The following DLG2 variants were observed in gnomAD, a reference collection of about 807,000 sequenced individuals.
The protein encoded by DLG2 is discs large MAGUK scaffold protein 2, also known as disks large homolog 2.
DLG2 carries 45 observed loss-of-function variants against 132.5 expected under a neutral mutation model. That is an observed-to-expected ratio of 0.34 (90% confidence interval 0.27 to 0.44). DLG2 has a LOEUF of 0.44. Ranked by LOEUF, DLG2 falls within the 20% of genes least tolerant of loss-of-function variation. DLG2 has a pLI of 1.00. For synonymous variants in DLG2, 424 were observed against 419.6 expected (o/e 1.01, Z -0.13); for missense variants, 1,045 against 1,196.9 (o/e 0.87, Z 1.87).
chr11:84,351,372 A>T (rs2098569121), intron 7 of DLG2, among the ~76,000 whole-genome samples: 1 of 152,112 alleles, frequency 6.6e-6, no homozygotes, highest in Non-Finnish European at 1.5e-5. Flanking sequence ...TTCTTCATGC[A>T]TTATATTCAT....
At chr11:84,618,951 C>A (rs2099609218) in intron 6 of DLG2, among the ~76,000 whole-genome samples, 1 of 151,932 alleles carries the variant, frequency 6.6e-6, no homozygotes, top group African/African-American at 2.4e-5. Flanking sequence ...CGATTGTAAA[C>A]AGACCTCTTT....
rs186518994 is a variant in DLG2, at chr11:84,975,303, G to A, written c.357+136358C>T. 3.3e-5 allele frequency among the ~76,000 whole-genome samples: 5 copies of A among 152,280 alleles called. No homozygotes were observed. The East Asian group carries it at 9.6e-4, about 29-fold the overall frequency. On this transcript the variant is annotated intron_variant, in intron 6 of 27. Transcript: ENST00000376104. ...ACTTTCAAGATTCCTTTGCATAGGT[G>A]GGGTGATGATGCTATAAGTTCTAAG...
chr11:84,943,810 G>A, intron 6 of DLG2, among the ~76,000 whole-genome samples: 1 of 151,920 alleles, frequency 6.6e-6, no homozygotes. Context: ...TTCTATACTT[G>A]TCTGTGTGCT....
At chr11:85,333,495 A>G (rs2081918518) in intron 3 of DLG2, among the ~76,000 whole-genome samples, 1 of 152,036 alleles carries the variant, frequency 6.6e-6, no homozygotes, top group Non-Finnish European at 1.5e-5. Flanking sequence ...GAGAGTGGTG[A>G]TCCTTGTCTT....
chr11:84,243,017 C>CTCTCTATATATATATA (rs542476924), intron 8 of DLG2, among the ~76,000 whole-genome samples: 1 of 142,146 alleles, frequency 7.0e-6, no homozygotes, highest in African/African-American at 2.6e-5. Context: ...CTCTCTCTCT[C>CTCTCTATATATATATA]TATATATATA....
intron 6 of DLG2, among the ~76,000 whole-genome samples, chr11:84,977,263 T>C (rs2055035260): frequency 6.6e-6 from 1 of 152,150 alleles, no homozygotes; most frequent in African/African-American, 2.4e-5. Flanking sequence ...GTTCTAACTC[T>C]TTCTCTTTCT....
chr11:84,264,226 G>C (rs2097583879), intron 7 of DLG2, among the ~76,000 whole-genome samples: 1 of 152,156 alleles, frequency 6.6e-6, no homozygotes, highest in African/African-American at 2.4e-5. Flanking sequence ...ACTAGGCAAT[G>C]AAGTCTTTGT....
intron 4 of DLG2, among the ~76,000 whole-genome samples, chr11:85,158,685 C>T (rs1026800509): frequency 3.3e-5 from 5 of 152,088 alleles, no homozygotes; most frequent in African/African-American, 7.2e-5. Context: ...AGGGGCCAAG[C>T]GGTAGCACTC....
chr11:83,821,945 C>G (rs1288572888), intron 17 of DLG2, among the ~76,000 whole-genome samples: 2 of 152,118 alleles, frequency 1.3e-5, no homozygotes, highest in Non-Finnish European at 2.9e-5. Context: ...TAACTCTTCT[C>G]CTTGTCATTA....
intron 21 of DLG2, among the ~76,000 whole-genome samples, chr11:83,519,810 C>G (rs1447113007): frequency 6.6e-6 from 1 of 152,208 alleles, no homozygotes; most frequent in Non-Finnish European, 1.5e-5. Context: ...TTACCTGCAA[C>G]AAAGCAATCA....
intron 7 of DLG2, among the ~76,000 whole-genome samples, chr11:84,504,804 C>G (rs187382187): frequency 7.2e-6 from 1 of 138,674 alleles, no homozygotes; most frequent in East Asian, 2.1e-4. Context: ...AATGTGTTGA[C>G]TCCATGTTTT....
rs200424368 is a variant in DLG2, at chr11:83,770,345, TA to T, written c.1825+16344del. Reference sequence around the variant, plus strand: ...TAAACCAGTTAAAAAGTTCTTTAATTAAAAAAAAAAAGAAAGTAAAGGTGTG... The same window carrying T: ...TAAACCAGTTAAAAAGTTCTTTAATTAAAAAAAAAAGAAAGTAAAGGTGTG... On this transcript the variant is annotated intron_variant, in intron 18 of 27. Coordinates refer to ENST00000376104, the MANE Select transcript of DLG2 (RefSeq NM_001142699.3). Among the ~76,000 whole-genome samples the T allele has an allele frequency of 2.8e-3, 391 of 142,034 alleles. 1 individual carries two copies. Among genetic ancestry groups the T allele is most frequent in the South Asian group, 0.019 (82 of 4,338 alleles). The allele number at this position is 142,034 out of a possible 152,430, so 93.2% of individuals were successfully genotyped here.
At chr11:84,876,588 T>C (rs2086384780) in intron 6 of DLG2, among the ~76,000 whole-genome samples, 1 of 152,216 alleles carries the variant, frequency 6.6e-6, no homozygotes, top group Non-Finnish European at 1.5e-5. Context: ...TCTTTATTAG[T>C]CTGGGTAGCT....
At chr11:85,376,432 C>T (rs565316672) in intron 3 of DLG2, among the ~76,000 whole-genome samples, 5 of 152,296 alleles carry the variant, frequency 3.3e-5, no homozygotes, top group Admixed American at 1.3e-4. Context: ...GGTCTTACAA[C>T]TGGTAAATGT....
chr11:84,052,041 G>A (rs750165836), intron 11 of DLG2, among the ~76,000 whole-genome samples: 9 of 151,776 alleles, frequency 5.9e-5, no homozygotes, highest in Non-Finnish European at 1.0e-4. Flanking sequence ...TGGTGCTAAG[G>A]AGATATCATA....
chr11:84,350,181 C>CCG (rs1555518935), intron 7 of DLG2, among the ~76,000 whole-genome samples: 1 of 143,108 alleles, frequency 7.0e-6, no homozygotes, highest in Non-Finnish European at 1.5e-5. Flanking sequence ...TCGTCCCCCC[C>CCG]CCCAAAAAAA....
intron 9 of DLG2, among the ~76,000 whole-genome samples, chr11:84,113,567 C>T (rs2093472956): frequency 1.3e-5 from 2 of 152,126 alleles, no homozygotes; most frequent in South Asian, 4.1e-4. Context: ...GTATTCACCA[C>T]CAATGAGCTG....
In DLG2 at chr11:85,183,919, C is replaced by T. The variant is rs537513572; in HGVS notation, c.187-29268G>A. ...GTTTAAGCATCTATTATGTGCTGGG[C>T]ACTCTATTTGAATATGTTATCTCAT... On this transcript the variant is annotated intron_variant, in intron 4 of 27. Transcript: ENST00000376104. Among the ~76,000 whole-genome samples the T allele has an allele frequency of 4.6e-5, 7 of 152,056 alleles. No homozygotes were observed. In the South Asian group the frequency reaches 1.5e-3, roughly 32 times the overall value.
At chr11:83,754,409 A>C (rs1345114926) in intron 18 of DLG2, among the ~76,000 whole-genome samples, 1 of 151,230 alleles carries the variant, frequency 6.6e-6, no homozygotes, top group African/African-American at 2.5e-5. Context: ...TGTCTTGCCT[A>C]ATTGTCTTTA....
Sources: allele counts gnomAD v4.1 joint callset (sites outside exome capture counted in the v4.1 genomes callset), GRCh38; gene constraint gnomAD v4.1.1; transcripts MANE v1.5; gene names NCBI Gene and HGNC (gene_info 2026-07-23, HGNC 2026-07-21).